The following ADCK1 variants were observed in gnomAD, a reference collection of about 807,000 sequenced individuals.
ADCK1 encodes aarF domain-containing protein kinase 1.
In ADCK1, 41 loss-of-function variants were observed where a neutral mutation model predicts 52.3. The observed-to-expected ratio is 0.78, with a 90% confidence interval of 0.61 to 1.02. The LOEUF is 1.02. Among genes scored for constraint, ADCK1 ranks in the 50% least tolerant of loss-of-function variants. The pLI is 0.00. For missense variants in ADCK1, 658 were observed against 679.5 expected (o/e 0.97, Z 0.35); for synonymous variants, 250 against 274.6 (o/e 0.91, Z 0.89).
intron 2 of ADCK1, among the ~76,000 whole-genome samples, chr14:77,821,891 G>GAAAAAAA (rs35265585): frequency 0.02 from 2,168 of 109,434 alleles, 125 homozygotes; most frequent in African/African-American, 0.079. Flanking sequence ...CTCTGTCTCA[G>GAAAAAAA]AAAAAAAAAA....
intron 4 of ADCK1, among the ~76,000 whole-genome samples, chr14:77,869,235 A>G (rs1285471755): frequency 6.6e-6 from 1 of 152,208 alleles, no homozygotes; most frequent in Non-Finnish European, 1.5e-5. Flanking sequence ...TCTGGAGGCC[A>G]GAGGTCTGAG....
At chr14:77,814,758 C>T (rs1166891826) in intron 1 of ADCK1, among the ~76,000 whole-genome samples, 1 of 148,350 alleles carries the variant, frequency 6.7e-6, no homozygotes, top group Non-Finnish European at 1.5e-5. Flanking sequence ...CTTGAGCTTT[C>T]AGACAAATCA....
intron 1 of ADCK1, among the ~76,000 whole-genome samples, chr14:77,811,893 G>A (rs72688835): frequency 1.3e-4 from 20 of 151,954 alleles, no homozygotes; most frequent in Non-Finnish European, 2.8e-4. Context: ...AATAAAATGG[G>A]GACAGGGAAA....
intron 7 of ADCK1, among the ~76,000 whole-genome samples, chr14:77,908,748 G>A (rs534735991): frequency 1.3e-5 from 2 of 152,248 alleles, no homozygotes; most frequent in African/African-American, 4.8e-5. Context: ...CTCGCAGGGG[G>A]ACCAGACCTA....
At chr14:77,899,013 C>T (rs1479325855) in intron 5 of ADCK1, 87 bp from the exon 6 acceptor site, 1 of 1,564,022 alleles carries the variant, frequency 6.4e-7, no homozygotes, top group East Asian at 2.2e-5. Flanking sequence ...GTTTCCCTTA[C>T]TCTAGGGGAG....
At chr14:77,806,755 C>A (rs2081232877) in intron 1 of ADCK1, among the ~76,000 whole-genome samples, 1 of 152,170 alleles carries the variant, frequency 6.6e-6, no homozygotes, top group African/African-American at 2.4e-5. Flanking sequence ...CGCTTTGTCA[C>A]CCAGGCTGGA....
At chr14:77,931,397 C>T in intron 9 of ADCK1, 121 bp from the exon 10 acceptor site, 1 of 988,824 alleles carries the variant, frequency 1.0e-6, no homozygotes, top group Non-Finnish European at 1.5e-6. Context: ...GACAGCGGTG[C>T]CTGAAGCTCC....
At chr14:77,926,088 G>A (rs2084187526) in intron 9 of ADCK1, 127 bp downstream of exon 9, 2 of 1,107,570 alleles carry the variant, frequency 1.8e-6, no homozygotes, top group East Asian at 4.8e-5. Context: ...GGGAGGGGAA[G>A]AATTGGAGCT....
Position 77,933,355 on chromosome 14 carries a change from G to C in ADCK1, c.1536G>C (p.Leu512Phe). 1 of 1,614,086 alleles carries C rather than the reference G, an allele frequency of 6.2e-7. No homozygotes were observed. Among genetic ancestry groups the C allele is most frequent in the Non-Finnish European group, 8.5e-7 (1 of 1,180,016 alleles). ...VKGLKLADRVLALICWLFPAP... is the reference protein window; with the variant it reads ...VKGLKLADRVFALICWLFPAP... Reference sequence around the variant, plus strand: ...GGTTGAAGCTGGCTGACCGGGTCTTGGCCCTAATATGCTGGCTGTTCCCTG... The same window carrying C: ...GGTTGAAGCTGGCTGACCGGGTCTTCGCCCTAATATGCTGGCTGTTCCCTG... The change falls in exon 11 of 11, where the codon TTG becomes TTC. Residue 512 changes from leucine (L) to phenylalanine (F), a missense_variant. Transcript: ENST00000238561.
chr14:77,930,556 G>A (rs959855539), intron 9 of ADCK1, among the ~76,000 whole-genome samples: 1 of 152,166 alleles, frequency 6.6e-6, no homozygotes, highest in Non-Finnish European at 1.5e-5. Flanking sequence ...AGGTGAGGAG[G>A]TGTGGTATTG....
intron 3 of ADCK1, among the ~76,000 whole-genome samples, chr14:77,833,026 A>G (rs146205874): frequency 6.4e-4 from 97 of 152,206 alleles, no homozygotes; most frequent in African/African-American, 2.3e-3. Context: ...GTAAGACTCA[A>G]CCTCTGCCCT....
chr14:77,910,463 G>T (rs938255655), intron 7 of ADCK1, among the ~76,000 whole-genome samples: 1 of 152,040 alleles, frequency 6.6e-6, no homozygotes, highest in African/African-American at 2.4e-5. Flanking sequence ...GGGATTCGAT[G>T]GGATGGGAGG....
chr14:77,850,889 T>A (rs558237905), intron 3 of ADCK1, among the ~76,000 whole-genome samples: 172 of 151,978 alleles, frequency 1.1e-3, no homozygotes, highest in African/African-American at 3.9e-3. Context: ...TCTCCTGACC[T>A]TGTGATCCGC....
In ADCK1 at chr14:77,822,437, G is replaced by A. The variant is rs748955042; in HGVS notation, c.138G>A (p.Thr46=). 22 of 1,613,530 alleles carry A rather than the reference G, an allele frequency of 1.4e-5. No homozygotes were observed. The East Asian group carries it at 2.0e-4, about 15-fold the overall frequency. ...AVRVGRAVAT[T]AVISYDYLTS... is the part of the protein sequence containing the mutation. ...TTCTCCACTGCCTTGGTTCACAGAC[G>A]GCTGTCATCAGTTACGACTACCTCA... is the stretch of plus-strand genomic sequence containing the variant. The change falls in exon 3 of 11, where the codon ACG becomes ACA. Residue 46 remains threonine, a splice_region_variant and synonymous_variant. Transcript: ENST00000238561.
intron 3 of ADCK1, among the ~76,000 whole-genome samples, chr14:77,838,233 C>T (rs2081999397): frequency 6.6e-6 from 1 of 152,176 alleles, no homozygotes; most frequent in African/African-American, 2.4e-5. Context: ...AACCGTGAGA[C>T]ATATGTCCAA....
intron 7 of ADCK1, chr14:77,914,260 C>T: frequency 6.8e-6 from 2 of 292,362 alleles, no homozygotes; most frequent in Non-Finnish European, 1.0e-5. Flanking sequence ...CTGTTGTTGC[C>T]TCTCTATTCT....
intron 1 of ADCK1, among the ~76,000 whole-genome samples, chr14:77,802,905 G>T (rs1251634281): frequency 6.6e-6 from 1 of 152,076 alleles, no homozygotes; most frequent in Non-Finnish European, 1.5e-5. Context: ...AGTGAGCCGA[G>T]ATTGCGCCAC....
intron 3 of ADCK1, among the ~76,000 whole-genome samples, chr14:77,857,009 G>A (rs557656446): frequency 6.6e-6 from 1 of 151,990 alleles, no homozygotes; most frequent in African/African-American, 2.4e-5. Flanking sequence ...GTCTAGCAAA[G>A]CTTGAAGTGG....
chr14:77,869,777 T>G (rs2140162494), intron 4 of ADCK1, among the ~76,000 whole-genome samples: 1 of 152,352 alleles, frequency 6.6e-6, no homozygotes, highest in Admixed American at 6.5e-5. Context: ...AACTTCTGTC[T>G]GTGGGTCAGC....
Sources: gnomAD v4.1 joint callset for allele counts (sites outside exome capture counted in the v4.1 genomes callset) on GRCh38, gnomAD v4.1.1 for gene constraint, MANE v1.5 for transcripts, NCBI Gene and HGNC (gene_info 2026-07-23, HGNC 2026-07-21) for gene names.